Variants in GTF2F2 observed in about 807,000 individuals in gnomAD.
GTF2F2 encodes general transcription factor IIF subunit 2, also known as ATP-dependent helicase GTF2F2.
In GTF2F2, 23 loss-of-function variants were observed where a neutral mutation model predicts 42.2. The ratio of observed to expected loss-of-function variants is 0.55; its 90% confidence interval spans 0.39 to 0.77. GTF2F2 has a LOEUF of 0.77. Ranked by LOEUF, GTF2F2 falls within the 30% of genes least tolerant of loss-of-function variation. The probability of loss-of-function intolerance (pLI) is 0.00; values close to 1 mark genes in which losing one functional copy is unlikely to be tolerated. For missense variants in GTF2F2, 261 were observed against 287.2 expected (o/e 0.91, Z 0.66); for synonymous variants, 105 against 100.8 (o/e 1.04, Z -0.25).
intron 4 of GTF2F2, among the ~76,000 whole-genome samples, chr13:45,168,269 A>G (rs1054253443): frequency 6.6e-6 from 1 of 152,190 alleles, no homozygotes. Context: ...CCTTGCCGTT[A>G]CTGTGCACAC....
intron 4 of GTF2F2, among the ~76,000 whole-genome samples, chr13:45,155,978 C>T (rs1870737858): frequency 6.8e-6 from 1 of 148,118 alleles, no homozygotes; most frequent in Non-Finnish European, 1.5e-5. Flanking sequence ...AGATTTTCTT[C>T]TTTTTTTTTT....
intron 4 of GTF2F2, among the ~76,000 whole-genome samples, chr13:45,188,347 A>G (rs1037170006): frequency 2.0e-5 from 3 of 152,218 alleles, no homozygotes; most frequent in African/African-American, 4.8e-5. Flanking sequence ...ATGCTTGCCT[A>G]TAGCAATTTA....
At chr13:45,227,793 G>C (rs1199745606) in intron 5 of GTF2F2, among the ~76,000 whole-genome samples, 3 of 152,214 alleles carry the variant, frequency 2.0e-5, no homozygotes, top group African/African-American at 7.2e-5. Flanking sequence ...TTAGGAGGCT[G>C]TGGGAATCCT....
chr13:45,177,938 T>C (rs1256849121), intron 4 of GTF2F2, among the ~76,000 whole-genome samples: 1 of 152,174 alleles, frequency 6.6e-6, no homozygotes, highest in Non-Finnish European at 1.5e-5. Context: ...AAGGGTAATG[T>C]CTTTTTATTT....
rs1223613409 is a variant in GTF2F2, at chr13:45,264,155, A to G, written c.487-3078A>G. Among the ~76,000 whole-genome samples the G allele has an allele frequency of 3.9e-5, 6 of 151,978 alleles. 1 individual carries two copies. The South Asian group carries it at 1.2e-3, about 31-fold the overall frequency. ...CCAGTGATATACATGTTAACACAGA[A>G]AGATAAGCATATATTTTTAGTCTGT... is the stretch of plus-strand genomic sequence containing the variant. On this transcript the variant is annotated intron_variant, in intron 6 of 7. Transcript: ENST00000340473.
intron 4 of GTF2F2, among the ~76,000 whole-genome samples, chr13:45,183,304 A>G (rs916359079): frequency 6.6e-6 from 1 of 152,122 alleles, no homozygotes; most frequent in Non-Finnish European, 1.5e-5. Flanking sequence ...TTTCCCTTGT[A>G]AGGGAAGTTC....
chr13:45,134,331 G>T (rs1026522089), intron 1 of GTF2F2, among the ~76,000 whole-genome samples: 1 of 152,260 alleles, frequency 6.6e-6, no homozygotes, highest in East Asian at 1.9e-4. Context: ...TTTCGCTAGG[G>T]ACTTCTGGGA....
rs1555267024 is a variant in GTF2F2, at chr13:45,181,200, A to AC, written c.305-26224_305-26223insC. On this transcript the variant is annotated intron_variant, in intron 4 of 7. Coordinates refer to ENST00000340473, the MANE Select transcript of GTF2F2 (RefSeq NM_004128.3). ...AAAAAACAAACAAACAAAAAAAAAA[A>AC]AAACCAGAAAAACCAAAGGTGATAT... Among the ~76,000 whole-genome samples the AC allele has an allele frequency of 9.6e-4, 128 of 132,888 alleles. 8 individuals carry two copies. Among genetic ancestry groups the AC allele is most frequent in the African/African-American group, 1.5e-3 (53 of 35,198 alleles). The allele number at this position is 132,888 out of a possible 152,430, so 87.2% of individuals were successfully genotyped here. A position where few individuals can be genotyped will look rare whatever the true frequency, so the allele number is the denominator to read the frequency against.
Position 45,171,866 on chromosome 13 carries a change from C to CTTT in GTF2F2, c.304+20048_304+20050dup, listed in dbSNP as rs35742068. Among the ~76,000 whole-genome samples the CTTT allele has an allele frequency of 1.7e-3, 234 of 140,818 alleles. 2 individuals are homozygous for CTTT. The highest frequency in any genetic ancestry group is 5.7e-3 in the African/African-American group (222 of 38,714). 92.4% of individuals were successfully genotyped at this position (140,818 alleles called of 152,430 possible). A position where few individuals can be genotyped will look rare whatever the true frequency, so the allele number is the denominator to read the frequency against. ...CCTAAAATACTTGGTCTTTTGTGACCTTTTTTTTTTTTTTTACTTAGCATG... is the reference window on the plus strand; with the variant it reads ...CCTAAAATACTTGGTCTTTTGTGACCTTTTTTTTTTTTTTTTTTACTTAGCATG... On this transcript the variant is annotated intron_variant, in intron 4 of 7. Coordinates refer to ENST00000340473, the MANE Select transcript of GTF2F2 (RefSeq NM_004128.3).
intron 7 of GTF2F2, among the ~76,000 whole-genome samples, chr13:45,282,475 G>C (rs797001267): frequency 6.6e-6 from 1 of 152,128 alleles, no homozygotes; most frequent in African/African-American, 2.4e-5. Flanking sequence ...ATCCCTGATA[G>C]TTTTAGGGGA....
At chr13:45,241,560 T>A (rs1875310654) in intron 5 of GTF2F2, among the ~76,000 whole-genome samples, 1 of 134,270 alleles carries the variant, frequency 7.4e-6, no homozygotes, top group African/African-American at 3.5e-5. Context: ...TATTTATTTT[T>A]AATTAATTTA....
At chr13:45,165,200 CTA>C (rs200923811) in intron 4 of GTF2F2, among the ~76,000 whole-genome samples, 1 of 147,476 alleles carries the variant, frequency 6.8e-6, no homozygotes, top group East Asian at 2.0e-4. Flanking sequence ...ATATAGATAT[CTA>C]TATATTCATA....
intron 5 of GTF2F2, among the ~76,000 whole-genome samples, chr13:45,216,900 A>G (rs1397437142): frequency 1.3e-5 from 2 of 151,946 alleles, no homozygotes; most frequent in Non-Finnish European, 2.9e-5. Context: ...CTGCCATTTT[A>G]ACTCAGGTGT....
intron 4 of GTF2F2, 88 bp from the exon 5 acceptor site, chr13:45,207,336 A>T: frequency 1.4e-6 from 1 of 713,206 alleles, no homozygotes; most frequent in Non-Finnish European, 2.4e-6. Context: ...ATTATATTTG[A>T]TTGTCATATT....
chr13:45,258,867 T>C (rs1020524135), intron 6 of GTF2F2, among the ~76,000 whole-genome samples: 1 of 152,176 alleles, frequency 6.6e-6, no homozygotes, highest in Non-Finnish European at 1.5e-5. Flanking sequence ...ATAATCAAAG[T>C]TATAGAGTCA....
intron 2 of GTF2F2, among the ~76,000 whole-genome samples, chr13:45,137,499 A>G (rs1402201683): frequency 6.6e-6 from 1 of 152,246 alleles, no homozygotes; most frequent in African/African-American, 2.4e-5. Context: ...AACAAAAGCC[A>G]TTTTATTTGC....
chr13:45,216,696 T>G (rs1018851206), intron 5 of GTF2F2, among the ~76,000 whole-genome samples: 12 of 151,842 alleles, frequency 7.9e-5, no homozygotes, highest in Non-Finnish European at 1.6e-4. Flanking sequence ...TTTTTGCATT[T>G]TTAGTGGGGA....
chr13:45,176,206 C>T (rs934986049), intron 4 of GTF2F2, among the ~76,000 whole-genome samples: 2 of 152,152 alleles, frequency 1.3e-5, no homozygotes, highest in African/African-American at 4.8e-5. Flanking sequence ...CATATATCTT[C>T]AATTCTGGTT....
intron 6 of GTF2F2, among the ~76,000 whole-genome samples, chr13:45,254,069 C>CA (rs770265378): frequency 0.077 from 4,434 of 57,546 alleles, 230 homozygotes; most frequent in African/African-American, 0.21. Flanking sequence ...GACTCCGTCT[C>CA]AAAAAAAAAA....
Sources: allele counts gnomAD v4.1 joint callset (sites outside exome capture counted in the v4.1 genomes callset), GRCh38; gene constraint gnomAD v4.1.1; transcripts MANE v1.5; gene names NCBI Gene and HGNC (gene_info 2026-07-23, HGNC 2026-07-21).